The following ATP8B1 variants were observed in gnomAD, a reference collection of about 807,000 sequenced individuals.
ATP8B1 encodes phospholipid-transporting ATPase IC.
Under a neutral mutation model 149.9 loss-of-function variants are expected in ATP8B1, and 80 were observed. The ratio of observed to expected loss-of-function variants is 0.53; its 90% confidence interval spans 0.45 to 0.64. ATP8B1 has a LOEUF of 0.64. Among genes scored for constraint, ATP8B1 ranks in the 30% least tolerant of loss-of-function variants. The probability of loss-of-function intolerance (pLI) is 0.00; values close to 1 mark genes in which losing one functional copy is unlikely to be tolerated. For missense variants in ATP8B1, 1,247 were observed against 1,552.6 expected, an observed-to-expected ratio of 0.80 and a Z score of 3.31; for synonymous variants, 536 against 562.8, an observed-to-expected ratio of 0.95 and a Z score of 0.67.
chr18:57,690,312 G>C (rs185688302), intron 12 of ATP8B1, among the ~76,000 whole-genome samples: 1 of 152,170 alleles, frequency 6.6e-6, no homozygotes, highest in African/African-American at 2.4e-5. Flanking sequence ...CAGAAGGTAC[G>C]GGCGGAGTGG....
At chr18:57,668,390 T>A in intron 19 of ATP8B1, 39 bp downstream of exon 19, 1 of 1,515,858 alleles carries the variant, frequency 6.6e-7, no homozygotes, top group Non-Finnish European at 9.2e-7. Context: ...TATAAATATT[T>A]GTGAATTAAC....
intron 2 of ATP8B1, among the ~76,000 whole-genome samples, chr18:57,716,631 T>C (rs966208254): frequency 2.0e-5 from 3 of 152,150 alleles, no homozygotes; most frequent in Non-Finnish European, 4.4e-5. Context: ...CAAGAGGATA[T>C]AATAGTTTTA....
At chr18:57,650,849 T>C (rs988873578) in intron 26 of ATP8B1, among the ~76,000 whole-genome samples, 4 of 151,644 alleles carry the variant, frequency 2.6e-5, no homozygotes, top group African/African-American at 9.7e-5. Context: ...AAATAAAAAA[T>C]AAAATAAAAA....
Position 57,650,359 on chromosome 18 carries a change from C to A in ATP8B1, c.3531+8G>T, listed in dbSNP as rs34027711. 250,558 of 1,611,714 alleles carry A rather than the reference C, an allele frequency of 0.16. 20,984 individuals carry two copies. The highest frequency in any genetic ancestry group is 0.17 in the Non-Finnish European group (202,469 of 1,178,492). Reference sequence around the variant, plus strand: ...GACAGAGTTGGGAAAGGACTATATTCTTTATACCTTATCACTTTCTGATGG... The same window carrying A: ...GACAGAGTTGGGAAAGGACTATATTATTTATACCTTATCACTTTCTGATGG... On this transcript the variant is annotated splice_region_variant and intron_variant, in intron 27 of 27. Transcript: ENST00000648908.
intron 1 of ATP8B1, among the ~76,000 whole-genome samples, chr18:57,776,594 T>G (rs913035465): frequency 6.6e-6 from 1 of 151,914 alleles, no homozygotes; most frequent in African/African-American, 2.4e-5. Flanking sequence ...CAGCAAGCCC[T>G]TTTCTTTCCT....
At chr18:57,651,996 T>C (rs1909650924) in intron 26 of ATP8B1, 38 bp downstream of exon 26, 3 of 1,592,206 alleles carry the variant, frequency 1.9e-6, no homozygotes, top group South Asian at 1.1e-5. Flanking sequence ...TAATGACATT[T>C]GTCTGTACAT....
In ATP8B1 at chr18:57,674,666, G is replaced by A. The variant is rs535045153; in HGVS notation, c.1819+168C>T. 1.1e-4 allele frequency among the ~76,000 whole-genome samples: 16 copies of A among 152,266 alleles called. No homozygotes were observed. In the East Asian group the frequency reaches 1.4e-3, roughly 13 times the overall value. On this transcript the variant is annotated intron_variant, in intron 16 of 27. Coordinates refer to ENST00000648908, the MANE Select transcript of ATP8B1 (RefSeq NM_001374385.1). ...CTCCCAAAGTGCTGGGATTACAGGC[G>A]TGAGCCACCACGCCCAGCCAACAAT...
At chr18:57,739,786 T>C (rs996975019) in intron 1 of ATP8B1, among the ~76,000 whole-genome samples, 1 of 152,162 alleles carries the variant, frequency 6.6e-6, no homozygotes, top group Non-Finnish European at 1.5e-5. Context: ...TTTGAGGCCA[T>C]CCAAAAACCA....
intron 1 of ATP8B1, among the ~76,000 whole-genome samples, chr18:57,743,940 AC>A (rs1173911999): frequency 2.0e-5 from 3 of 152,126 alleles, no homozygotes; most frequent in African/African-American, 7.2e-5. Context: ...CACCTGGAAC[AC>A]CAAGTGGTTC....
intron 2 of ATP8B1, among the ~76,000 whole-genome samples, chr18:57,725,967 C>T (rs569803840): frequency 2.6e-5 from 4 of 152,276 alleles, no homozygotes; most frequent in South Asian, 2.1e-4. Context: ...TGGTGGCTCA[C>T]GCCTGTAATT....
At chr18:57,669,569 G>A in intron 17 of ATP8B1, 87 bp from the exon 18 acceptor site, 1 of 1,217,192 alleles carries the variant, frequency 8.2e-7, no homozygotes, top group Non-Finnish European at 1.2e-6. Context: ...TTACTTTGAA[G>A]TAATATACTA....
intron 10 of ATP8B1, 31 bp from the exon 11 acceptor site, chr18:57,694,701 G>A: frequency 7.0e-7 from 1 of 1,425,122 alleles, no homozygotes; most frequent in Non-Finnish European, 9.9e-7. Context: ...GTAGTCATCA[G>A]TTGGGAAAAA....
At chr18:57,735,967 G>GCCCCCCCCCCCCCC (rs59140378) in intron 1 of ATP8B1, among the ~76,000 whole-genome samples, 1 of 134,334 alleles carries the variant, frequency 7.4e-6, no homozygotes, top group African/African-American at 2.9e-5. Flanking sequence ...CCCATTCCTT[G>GCCCCCCCCCCCCCC]CCCCCCCCAC....
At chr18:57,799,617 G>A (rs1265634014) in intron 1 of ATP8B1, among the ~76,000 whole-genome samples, 2 of 150,230 alleles carry the variant, frequency 1.3e-5, no homozygotes, top group Non-Finnish European at 2.9e-5. Flanking sequence ...GCTGAGACAC[G>A]AGAATTGCTT....
chr18:57,664,099 A>T, intron 20 of ATP8B1, among the ~76,000 whole-genome samples: 1 of 142,540 alleles, frequency 7.0e-6, no homozygotes, highest in Non-Finnish European at 1.5e-5. Flanking sequence ...ACTGAGCGAC[A>T]TGTAATTTTA....
chr18:57,735,265 C>T (rs996434636), intron 1 of ATP8B1: 2 of 160,924 alleles, frequency 1.2e-5, no homozygotes, highest in Non-Finnish European at 2.7e-5. Context: ...AGCAGGGCGC[C>T]CGCTGTGCTC....
chr18:57,673,186 T>C (rs1269355017), intron 16 of ATP8B1, among the ~76,000 whole-genome samples: 1 of 151,590 alleles, frequency 6.6e-6, no homozygotes, highest in Non-Finnish European at 1.5e-5. Context: ...GGATAGCCTA[T>C]AAAATAACCA....
chr18:57,753,439 A>G (rs991882238), intron 1 of ATP8B1, among the ~76,000 whole-genome samples: 4 of 152,114 alleles, frequency 2.6e-5, no homozygotes, highest in Non-Finnish European at 4.4e-5. Context: ...ACAAGGCAAC[A>G]ACAACACAAC....
chr18:57,759,033 G>A (rs1012515272), intron 1 of ATP8B1, among the ~76,000 whole-genome samples: 4 of 151,782 alleles, frequency 2.6e-5, no homozygotes, highest in Non-Finnish European at 4.4e-5. Flanking sequence ...GCACGCCCCT[G>A]TAGTCCCAGC....
Sources: gnomAD v4.1 joint callset for allele counts (sites outside exome capture counted in the v4.1 genomes callset) on GRCh38, gnomAD v4.1.1 for gene constraint, MANE v1.5 for transcripts, NCBI Gene and HGNC (gene_info 2026-07-23, HGNC 2026-07-21) for gene names.